MACROD2: variants seen among roughly 807,000 people sequenced by gnomAD.
MACROD2 encodes mono-ADP ribosylhydrolase 2.
Under a neutral mutation model 70.4 loss-of-function variants are expected in MACROD2, and 36 were observed. The observed-to-expected ratio is 0.51, with a 90% CI of 0.39 to 0.68. MACROD2 has a LOEUF of 0.68. Ranked by LOEUF, MACROD2 falls within the 30% of genes least tolerant of loss-of-function variation. The pLI is 0.00. For missense variants in MACROD2, 496 were observed against 538.4 expected (o/e 0.92, Z 0.78); for synonymous variants, 172 against 178.8 (o/e 0.96, Z 0.30).
intron 8 of MACROD2, among the ~76,000 whole-genome samples, chr20:15,833,074 A>G (rs940631141): frequency 1.4e-4 from 22 of 152,090 alleles, no homozygotes; most frequent in African/African-American, 5.1e-4. Flanking sequence ...CTTTTTGCAC[A>G]GCCCCTTGGG....
intron 6 of MACROD2, among the ~76,000 whole-genome samples, chr20:15,326,397 T>C (rs1289387394): frequency 6.6e-6 from 1 of 152,136 alleles, no homozygotes; most frequent in Non-Finnish European, 1.5e-5. Flanking sequence ...TTTTACCTTA[T>C]TGGATAAGCT....
At position 15,695,571 on chromosome 20, in the gene MACROD2, C is replaced by A. The variant is rs555602479; in HGVS notation, c.646-167174C>A. Among the ~76,000 whole-genome samples the A allele has an allele frequency of 3.9e-5, 6 of 152,034 alleles. No homozygotes were observed. The East Asian group carries it at 1.2e-3, about 30-fold the overall frequency. On this transcript the variant is annotated intron_variant, in intron 8 of 17. Coordinates refer to ENST00000684519, the MANE Select transcript of MACROD2 (RefSeq NM_001351661.2). The stretch of plus-strand genomic sequence containing the variant: ...GACTACAGGCATGTGCTACCACACT[C>A]GGCTAATTTTTGTATTTTTAGTAGA...
intron 3 of MACROD2, among the ~76,000 whole-genome samples, chr20:14,317,972 C>T (rs956201942): frequency 3.9e-5 from 6 of 152,146 alleles, no homozygotes; most frequent in East Asian, 1.9e-4. Context: ...ATGTGTAAGA[C>T]GTCACTAATA....
At chr20:15,227,066 C>T in intron 5 of MACROD2, among the ~76,000 whole-genome samples, 1 of 152,058 alleles carries the variant, frequency 6.6e-6, no homozygotes, top group East Asian at 1.9e-4. Flanking sequence ...GAGAGGTCAT[C>T]ATGTTGGTCG....
At chr20:14,158,682 A>G (rs1322314535) in intron 3 of MACROD2, among the ~76,000 whole-genome samples, 1 of 152,092 alleles carries the variant, frequency 6.6e-6, no homozygotes, top group East Asian at 1.9e-4. Flanking sequence ...TCCCAAAAGT[A>G]TGTTCTTGGT....
At chr20:14,346,684 T>G (rs961367936) in intron 3 of MACROD2, among the ~76,000 whole-genome samples, 1 of 152,194 alleles carries the variant, frequency 6.6e-6, no homozygotes. Context: ...TGGTGATGTC[T>G]AAGTAATCTG....
intron 5 of MACROD2, among the ~76,000 whole-genome samples, chr20:15,141,387 G>T (rs1328603210): frequency 1.3e-5 from 2 of 150,678 alleles, no homozygotes; most frequent in Non-Finnish European, 2.9e-5. Context: ...CATACATATA[G>T]ATATACACGT....
chr20:15,493,981 G>A (rs1368360807), intron 7 of MACROD2, among the ~76,000 whole-genome samples: 1 of 152,182 alleles, frequency 6.6e-6, no homozygotes, highest in African/African-American at 2.4e-5. Context: ...TATTTAAATT[G>A]TCTTGATGGT....
rs3045609 is a variant in MACROD2 at position 14,789,460 on chromosome 20, A to ATTTTTTTTTTTTTTTTTTTTTTTTTTTT, written c.418+104506_418+104533dup. Among the ~76,000 whole-genome samples the ATTTTTTTTTTTTTTTTTTTTTTTTTTTT allele has an allele frequency of 1.7e-4, 8 of 48,326 alleles. 2 individuals carry two copies. The highest frequency in any genetic ancestry group is 5.1e-4 in the African/African-American group (6 of 11,652). The allele number at this position is 48,326 out of a possible 152,430, so 31.7% of individuals were successfully genotyped here. On this transcript the variant is annotated intron_variant, in intron 5 of 17. Coordinates refer to ENST00000684519, the MANE Select transcript of MACROD2 (RefSeq NM_001351661.2). The stretch of plus-strand genomic sequence containing the variant: ...CTTGTGGATTAATCAGGTAGTGCAA[A>ATTTTTTTTTTTTTTTTTTTTTTTTTTTT]TTTTTTTTTTTTTTTTTTTTTTTTT...
At chr20:15,574,900 C>T (rs1344513569) in intron 8 of MACROD2, among the ~76,000 whole-genome samples, 1 of 152,158 alleles carries the variant, frequency 6.6e-6, no homozygotes, top group Non-Finnish European at 1.5e-5. Context: ...TGAAATTAGA[C>T]TCAGCTGTTA....
intron 8 of MACROD2, among the ~76,000 whole-genome samples, chr20:15,573,533 TC>T (rs2048403656): frequency 6.6e-6 from 1 of 152,138 alleles, no homozygotes. Flanking sequence ...GGCCAAGAAC[TC>T]CCTTATAAGT....
chr20:15,009,913 TAA>T (rs2075069262), intron 5 of MACROD2, among the ~76,000 whole-genome samples: 1 of 152,090 alleles, frequency 6.6e-6, no homozygotes, highest in African/African-American at 2.4e-5. Flanking sequence ...CCCAGATATA[TAA>T]AGTGTCTAGT....
At chr20:14,626,707 C>T (rs981221325) in intron 4 of MACROD2, among the ~76,000 whole-genome samples, 22 of 152,090 alleles carry the variant, frequency 1.4e-4, no homozygotes, top group African/African-American at 4.3e-4. Context: ...GCAAGGGTAA[C>T]GTATCCTCAG....
intron 8 of MACROD2, among the ~76,000 whole-genome samples, chr20:15,514,879 A>G (rs2047546063): frequency 6.6e-6 from 1 of 152,240 alleles, no homozygotes; most frequent in African/African-American, 2.4e-5. Flanking sequence ...CATCAAAAGC[A>G]TTGTATTTTC....
chr20:13,996,823 T>A (rs2052665524), intron 1 of MACROD2, among the ~76,000 whole-genome samples: 1 of 152,226 alleles, frequency 6.6e-6, no homozygotes, highest in Non-Finnish European at 1.5e-5. Flanking sequence ...CTAAAACCTG[T>A]ATAGCAAGGG....
chr20:14,483,895 C>T (rs2084691162), intron 3 of MACROD2, among the ~76,000 whole-genome samples: 1 of 152,122 alleles, frequency 6.6e-6, no homozygotes, highest in African/African-American at 2.4e-5. Context: ...AAGAGACTTA[C>T]CTTTAGTTGA....
At chr20:15,844,372 G>A (rs982929104) in intron 8 of MACROD2, among the ~76,000 whole-genome samples, 1 of 152,058 alleles carries the variant, frequency 6.6e-6, no homozygotes, top group Non-Finnish European at 1.5e-5. Flanking sequence ...TTCTTCCCCT[G>A]GGTCCCGGTA....
chr20:15,118,368 T>G (rs2076006992), intron 5 of MACROD2, among the ~76,000 whole-genome samples: 1 of 152,080 alleles, frequency 6.6e-6, no homozygotes, highest in African/African-American at 2.4e-5. Flanking sequence ...AATTTTTGTA[T>G]TTTTAGTAGA....
At chr20:14,840,753 A>G (rs2073078273) in intron 5 of MACROD2, among the ~76,000 whole-genome samples, 1 of 152,172 alleles carries the variant, frequency 6.6e-6, no homozygotes, top group African/African-American at 2.4e-5. Context: ...TTTCAGGAAC[A>G]TAAGAAGTCT....
Sources: gnomAD v4.1 joint callset for allele counts (sites outside exome capture counted in the v4.1 genomes callset) on GRCh38, gnomAD v4.1.1 for gene constraint, MANE v1.5 for transcripts, NCBI Gene and HGNC (gene_info 2026-07-23, HGNC 2026-07-21) for gene names.